Variants in IFT81 observed in about 807,000 individuals in gnomAD.
IFT81 encodes the protein intraflagellar transport 81, also known as intraflagellar transport protein 81 homolog.
Under a neutral mutation model 102.6 loss-of-function variants are expected in IFT81, and 72 were observed. The observed-to-expected ratio is 0.70, with a 90% CI of 0.58 to 0.85. The LOEUF (loss-of-function observed/expected upper bound fraction) is 0.85. Among genes scored for constraint, IFT81 ranks in the 40% least tolerant of loss-of-function variants. The probability of loss-of-function intolerance (pLI) is 0.00; values close to 1 mark genes in which losing one functional copy is unlikely to be tolerated. For missense variants in IFT81, 723 were observed against 787.3 expected (o/e 0.92, Z 0.98); for synonymous variants, 237 against 242.7 (o/e 0.98, Z 0.22).
intron 18 of IFT81, 109 bp from the exon 19 acceptor site, chr12:110,217,935 A>G: frequency 1.4e-6 from 1 of 732,818 alleles, no homozygotes; most frequent in Non-Finnish European, 2.2e-6. Context: ...TGGTTTAGCT[A>G]ACTATTTTTT....
chr12:110,154,319 A>G (rs888198011), intron 10 of IFT81, among the ~76,000 whole-genome samples: 6 of 151,212 alleles, frequency 4.0e-5, no homozygotes, highest in African/African-American at 1.5e-4. Context: ...AGTGTGAGAC[A>G]CTATCTCAAA....
intron 15 of IFT81, chr12:110,204,264 C>T (rs1177696072): frequency 4.0e-6 from 1 of 249,854 alleles, no homozygotes; most frequent in African/African-American, 2.2e-5. Context: ...ACTTAATTTC[C>T]CATCTGTACC....
intron 1 of IFT81, among the ~76,000 whole-genome samples, chr12:110,126,277 CAAAAAA>C (rs11287085): frequency 2.1e-5 from 2 of 97,544 alleles, no homozygotes; most frequent in African/African-American, 7.0e-5. Flanking sequence ...GACTCCGTCT[CAAAAAA>C]AAAAAAAAAA....
chr12:110,185,516 C>T (rs552168575), intron 12 of IFT81, among the ~76,000 whole-genome samples: 8 of 152,046 alleles, frequency 5.3e-5, no homozygotes, highest in East Asian at 1.9e-4. Flanking sequence ...TTACTATTGC[C>T]GTGTCCTGGG....
At chr12:110,214,911 T>C (rs1869886649) in intron 18 of IFT81, among the ~76,000 whole-genome samples, 1 of 152,204 alleles carries the variant, frequency 6.6e-6, no homozygotes, top group African/African-American at 2.4e-5. Context: ...TACTTTTTAG[T>C]TTATAAGGAT....
At chr12:110,137,100 C>A (rs1894558053) in intron 8 of IFT81, among the ~76,000 whole-genome samples, 2 of 152,174 alleles carry the variant, frequency 1.3e-5, no homozygotes. Context: ...ATAATCCCAG[C>A]ACTTTGGGAG....
intron 14 of IFT81, among the ~76,000 whole-genome samples, chr12:110,195,976 T>G (rs1299029698): frequency 6.6e-6 from 1 of 152,238 alleles, no homozygotes; most frequent in African/African-American, 2.4e-5. Context: ...GAAAAGAATG[T>G]CTATTTTCCA....
chr12:110,129,275 A>G (rs1894031607), intron 4 of IFT81, 145 bp downstream of exon 4: 3 of 580,942 alleles, frequency 5.2e-6, no homozygotes, highest in East Asian at 6.8e-5. Context: ...ATGTTCAACT[A>G]TGGCCACATC....
chr12:110,170,228 C>A (rs1370247542), intron 11 of IFT81, among the ~76,000 whole-genome samples: 1 of 152,244 alleles, frequency 6.6e-6, no homozygotes, highest in African/African-American at 2.4e-5. Context: ...GCTGGGATTA[C>A]AGGCGTAAGC....
At chr12:110,138,049 C>CT (rs1894619948) in intron 8 of IFT81, among the ~76,000 whole-genome samples, 1 of 152,180 alleles carries the variant, frequency 6.6e-6, no homozygotes, top group Non-Finnish European at 1.5e-5. Context: ...AGAAAGACCA[C>CT]GCAAACTGAA....
intron 9 of IFT81, among the ~76,000 whole-genome samples, chr12:110,145,594 G>A (rs1031305715): frequency 6.6e-6 from 1 of 151,308 alleles, no homozygotes; most frequent in Non-Finnish European, 1.5e-5. Context: ...CTGCCACCAT[G>A]CCCAGCTAAT....
chr12:110,135,300 C>T (rs778588417), intron 6 of IFT81, 27 bp from the exon 7 acceptor site: 1 of 1,414,638 alleles, frequency 7.1e-7, no homozygotes, highest in Non-Finnish European at 9.8e-7. Context: ...CTGACAGTAA[C>T]ATGTACTACT....
At chr12:110,213,848 T>C (rs1869763733) in intron 18 of IFT81, among the ~76,000 whole-genome samples, 1 of 152,204 alleles carries the variant, frequency 6.6e-6, no homozygotes, top group African/African-American at 2.4e-5. Flanking sequence ...TGGAAGCCTC[T>C]TGAAGTCAGC....
At chr12:110,190,285 C>T (rs1897731717) in intron 12 of IFT81, among the ~76,000 whole-genome samples, 1 of 152,174 alleles carries the variant, frequency 6.6e-6, no homozygotes, top group African/African-American at 2.4e-5. Context: ...TCTCACTGCA[C>T]CTCCTTACTG....
intron 8 of IFT81, among the ~76,000 whole-genome samples, chr12:110,143,085 CAT>C (rs1894993808): frequency 6.6e-6 from 1 of 152,028 alleles, no homozygotes; most frequent in African/African-American, 2.4e-5. Flanking sequence ...TGGCTCAGCA[CAT>C]GTTATTTTTG....
intron 3 of IFT81, 21 bp from the exon 4 acceptor site, chr12:110,128,929 G>GTATGTGTGT: frequency 6.3e-7 from 1 of 1,599,198 alleles, no homozygotes; most frequent in Non-Finnish European, 8.6e-7. Flanking sequence ...GTGTGTTTGT[G>GTATGTGTGT]TATGTGTGTT....
At chr12:110,144,057 T>TAGA (rs1895049928) in intron 9 of IFT81, among the ~76,000 whole-genome samples, 1 of 145,516 alleles carries the variant, frequency 6.9e-6, no homozygotes, top group Non-Finnish European at 1.5e-5. Flanking sequence ...TTGCCCAGGC[T>TAGA]AGAGTACAGT....
intron 10 of IFT81, among the ~76,000 whole-genome samples, chr12:110,156,522 A>C (rs1464470147): frequency 6.7e-6 from 1 of 149,428 alleles, no homozygotes; most frequent in Non-Finnish European, 1.5e-5. Context: ...TTGGAGATGG[A>C]GTCTCACTTC....
Position 110,190,986 on chromosome 12 carries a change from T to G in IFT81, c.1405T>G (p.Ser469Ala), listed in dbSNP as rs1163242225. 6.2e-6 allele frequency: 10 copies of G among 1,610,236 alleles called. No individual in the cohort carries two copies. Among genetic ancestry groups the G allele is most frequent in the Non-Finnish European group, 8.5e-6 (10 of 1,178,250 alleles). Residue 469 changes from serine to alanine, a missense_variant, in exon 13 of 19, where the codon TCT becomes GCT. Transcript: ENST00000242591. ...CACCCAAGAAGAGCTAGAAAGAGTA[T>G]CTGCACTGAAGAGTGAAGTTGATGA... The part of the protein sequence containing the change: ...SYTQEELERV[S>A]ALKSEVDEMK...
Sources: allele counts gnomAD v4.1 joint callset (sites outside exome capture counted in the v4.1 genomes callset), GRCh38; gene constraint gnomAD v4.1.1; transcripts MANE v1.5; gene names NCBI Gene and HGNC (gene_info 2026-07-23, HGNC 2026-07-21).